Variants in ZHX3 observed in about 807,000 individuals in gnomAD.
The protein encoded by ZHX3 is zinc fingers and homeoboxes 3, also known as zinc fingers and homeoboxes protein 3.
A neutral mutation model predicts 64.5 loss-of-function variants in ZHX3; 20 were observed. The ratio of observed to expected loss-of-function variants is 0.31; its 90% CI spans 0.22 to 0.45. The LOEUF (loss-of-function observed/expected upper bound fraction) is 0.45. Among genes scored for constraint, ZHX3 ranks in the 20% least tolerant of loss-of-function variants. ZHX3 has a pLI of 1.00. For synonymous variants in ZHX3, 423 were observed against 461.6 expected (o/e 0.92, Z 1.07); for missense variants, 1,041 against 1,195.8 (o/e 0.87, Z 1.91).
intron 2 of ZHX3, among the ~76,000 whole-genome samples, chr20:41,266,355 C>G (rs2042845653): frequency 6.6e-6 from 1 of 152,002 alleles, no homozygotes; most frequent in Admixed American, 6.6e-5. Context: ...TTCCAGTTCG[C>G]CTTTGACCTT....
chr20:41,313,852 T>C (rs926018784), intron 1 of ZHX3, among the ~76,000 whole-genome samples: 1 of 152,208 alleles, frequency 6.6e-6, no homozygotes, highest in Non-Finnish European at 1.5e-5. Flanking sequence ...CGCCTTGGCC[T>C]CCCAAAGTGC....
intron 2 of ZHX3, among the ~76,000 whole-genome samples, chr20:41,239,049 C>A (rs1010419586): frequency 2.3e-5 from 3 of 129,112 alleles, no homozygotes; most frequent in African/African-American, 9.0e-5. Context: ...GTCGCCCAGG[C>A]TGGAGTGCAG....
At chr20:41,206,987 G>A (rs2038767880) in intron 2 of ZHX3, among the ~76,000 whole-genome samples, 1 of 152,194 alleles carries the variant, frequency 6.6e-6, no homozygotes, top group Non-Finnish European at 1.5e-5. Context: ...AGAAGTGGGG[G>A]CCGATATTCA....
At chr20:41,189,415 T>C (rs2036812496) in intron 3 of ZHX3, among the ~76,000 whole-genome samples, 1 of 152,230 alleles carries the variant, frequency 6.6e-6, no homozygotes, top group African/African-American at 2.4e-5. Context: ...ATTGAATCTG[T>C]AGATTGCTTT....
At chr20:41,205,240 G>A (rs1600768606) in intron 2 of ZHX3, among the ~76,000 whole-genome samples, 174 bp from the exon 3 acceptor site, 1 of 152,046 alleles carries the variant, frequency 6.6e-6, no homozygotes, top group South Asian at 2.1e-4. Context: ...GACAAAAACT[G>A]GACCCTGAAG....
At chr20:41,220,030 T>A (rs1318462836) in intron 2 of ZHX3, among the ~76,000 whole-genome samples, 1 of 152,208 alleles carries the variant, frequency 6.6e-6, no homozygotes, top group Non-Finnish European at 1.5e-5. Context: ...CTGCAGCCCA[T>A]CCTCACTGAT....
intron 1 of ZHX3, among the ~76,000 whole-genome samples, chr20:41,312,469 C>G (rs1173835298): frequency 6.6e-6 from 1 of 152,148 alleles, no homozygotes; most frequent in East Asian, 1.9e-4. Flanking sequence ...TAACACTCAC[C>G]ACAAAGGTCC....
At position 41,203,967 on chromosome 20, in the gene ZHX3, C is replaced by T. The variant is rs1485152463; in HGVS notation, c.950G>A (p.Ser317Asn). ...PTYNAAMDSN[S>N]FLKNSFHKFP... ...CTTGTGGAAGGAGTTCTTCAGGAAG[C>T]TGTTAGAGTCCATGGCTGCATTGTA... The change falls in exon 3 of 4, where the codon AGC (serine) becomes AAC (asparagine). Residue 317 changes from serine to asparagine, a missense_variant. Around this residue, in one of 4 missense-constraint regions of ZHX3, gnomAD observed 28 missense variants for 66.7 expected, o/e 0.42. Coordinates refer to ENST00000683867, the MANE Select transcript of ZHX3 (RefSeq NM_001384317.1). This position sits in a 1 kb window ranked among gnomAD's most constrained non-coding sequence, Gnocchi z 7.1. The T allele has an allele frequency of 1.9e-6, 3 of 1,614,218 alleles. No homozygotes were observed. Among genetic ancestry groups the T allele is most frequent in the Non-Finnish European group, 2.5e-6 (3 of 1,180,046 alleles).
chr20:41,221,101 G>A (rs1048344261), intron 2 of ZHX3, among the ~76,000 whole-genome samples: 78 of 152,120 alleles, frequency 5.1e-4, no homozygotes, highest in Non-Finnish European at 1.8e-4. Flanking sequence ...TTGTGTGACT[G>A]GGACAGAGAC....
At chr20:41,269,251 A>T (rs567071512) in intron 1 of ZHX3, among the ~76,000 whole-genome samples, 168 bp from the exon 2 acceptor site, 1 of 152,330 alleles carries the variant, frequency 6.6e-6, no homozygotes, top group South Asian at 2.1e-4. Flanking sequence ...CAAACTAGCA[A>T]TTTGAAACTA....
At position 41,203,041 on chromosome 20, in the gene ZHX3, C is replaced by A; in HGVS notation, c.1876G>T (p.Ala626Ser). The change falls in exon 3 of 4, where the codon GCC (alanine) becomes TCC (serine). Residue 626 changes from alanine (A) to serine (S), a missense_variant. Ala to Ser is a moderately conservative substitution (Grantham distance 99). Transcript: ENST00000683867. The surrounding 1 kb of genome is among the most constrained non-coding windows in gnomAD (Gnocchi z 7.1). ...TTTTGTGCAAAACTGCTCTCCAGGG[C>A]TCTGAGCTGCTCAGGGGCTCTCTCC... ...YKERAPEQLR[A>S]LESSFAQNPL... 1 of 1,614,214 alleles carries A rather than the reference C, an allele frequency of 6.2e-7. No individual in the cohort carries two copies. The highest frequency in any genetic ancestry group is 1.1e-5 in the South Asian group (1 of 91,084).
intron 1 of ZHX3, among the ~76,000 whole-genome samples, chr20:41,288,737 CT>C (rs1334180440): frequency 6.6e-6 from 1 of 152,108 alleles, no homozygotes; most frequent in African/African-American, 2.4e-5. Flanking sequence ...TCTATGACCC[CT>C]GGTCTATAGT....
Position 41,182,365 on chromosome 20 carries a change from C to CAG in ZHX3, c.*2825_*2826insCT. 6.6e-6 allele frequency: 1 copy of CAG among 152,240 alleles called. No homozygotes were observed. The highest frequency in any genetic ancestry group is 1.9e-4 in the East Asian group (1 of 5,200). 9.4% of individuals were successfully genotyped at this position (152,240 alleles called of 1,614,324 possible). ...CAACTCTGCAGCCCACAAATGCCTT[C>CAG]TACTGAAGGCAACAACACAATTTAA... On this transcript the variant is annotated 3_prime_UTR_variant, in exon 4 of 4. Coordinates refer to ENST00000683867, the MANE Select transcript of ZHX3 (RefSeq NM_001384317.1). The surrounding 1 kb of genome is among the most constrained non-coding windows in gnomAD (Gnocchi z 6.1).
At chr20:41,240,650 C>G (rs566752222) in intron 2 of ZHX3, among the ~76,000 whole-genome samples, 2 of 152,280 alleles carry the variant, frequency 1.3e-5, no homozygotes, top group Admixed American at 6.5e-5. Context: ...ATTTCCCCCC[C>G]GTCACTCACC....
chr20:41,200,477 T>C lies in ZHX3; in HGVS notation c.2860+1580A>G, dbSNP rs1393196531. On this transcript the variant is annotated intron_variant, in intron 3 of 3. Transcript: ENST00000683867. This position sits in a 1 kb window ranked among gnomAD's most constrained non-coding sequence, Gnocchi z 4.2. Reference sequence around the variant, plus strand: ...CATTATAAAAAAGTTAAACTAGCCATAAAAACCTGTTGTTCTGACTCCAGG... The same window carrying C: ...CATTATAAAAAAGTTAAACTAGCCACAAAAACCTGTTGTTCTGACTCCAGG... 6.6e-6 allele frequency among the ~76,000 whole-genome samples: 1 copy of C among 152,182 alleles called. No individual in the cohort carries two copies. The highest frequency in any genetic ancestry group is 1.5e-5 in the Non-Finnish European group (1 of 68,032).
chr20:41,288,731 T>C (rs1171425701), intron 1 of ZHX3, among the ~76,000 whole-genome samples: 6 of 152,216 alleles, frequency 3.9e-5, no homozygotes, highest in African/African-American at 7.2e-5. Context: ...TATATGTCTA[T>C]GACCCCTGGT....
chr20:41,203,509 C>A lies in ZHX3; in HGVS notation c.1408G>T (p.Val470Leu). 6.2e-7 allele frequency: 1 copy of A among 1,614,222 alleles called. No homozygotes were observed. Among genetic ancestry groups the A allele is most frequent in the Non-Finnish European group, 8.5e-7 (1 of 1,180,024 alleles). ...NTVCSNTTSA[V>L]KVVNAAQSLL... ...GACTGGGCCGCATTGACCACCTTCA[C>A]AGCTGACGTTGTATTTGAACACACA... The change falls in exon 3 of 4, where the codon GTG becomes TTG. Residue 470 changes from valine to leucine, a missense_variant. Around this residue, in one of 4 missense-constraint regions of ZHX3, gnomAD observed 649 missense variants for 739.8 expected, o/e 0.88. Transcript: ENST00000683867. The surrounding 1 kb of genome is among the most constrained non-coding windows in gnomAD (Gnocchi z 7.1).
At chr20:41,221,770 G>C (rs1232881110) in intron 2 of ZHX3, among the ~76,000 whole-genome samples, 1 of 152,218 alleles carries the variant, frequency 6.6e-6, no homozygotes, top group Non-Finnish European at 1.5e-5. Context: ...AGCCATCTGG[G>C]TAAGTGAGGA....
At chr20:41,209,291 T>C (rs2038973641) in intron 2 of ZHX3, among the ~76,000 whole-genome samples, 1 of 152,060 alleles carries the variant, frequency 6.6e-6, no homozygotes, top group Non-Finnish European at 1.5e-5. Flanking sequence ...TTCAATGCCA[T>C]CCCCATCAAG....
Sources: gnomAD v4.1 joint callset for allele counts (sites outside exome capture counted in the v4.1 genomes callset) on GRCh38, gnomAD v4.1.1 for gene constraint, gnomAD v4.1.1 regional missense constraint, Gnocchi (gnomAD v3.1) non-coding constraint, MANE v1.5 for transcripts, NCBI Gene and HGNC (gene_info 2026-07-23, HGNC 2026-07-21) for gene names.